LRRTM4: variants seen among roughly 807,000 people sequenced by gnomAD.
LRRTM4 encodes leucine rich repeat transmembrane neuronal 4.
In LRRTM4, 25 loss-of-function variants were observed where a neutral mutation model predicts 47.6. That is an observed-to-expected ratio of 0.53 (90% CI 0.38 to 0.73). The LOEUF (loss-of-function observed/expected upper bound fraction) is 0.73, where lower values mean the gene tolerates loss of function less well. Ranked by LOEUF, LRRTM4 falls within the 30% of genes least tolerant of loss-of-function variation. The pLI, the probability that LRRTM4 is intolerant of heterozygous loss-of-function variation, is 0.00. For missense variants in LRRTM4, 638 were observed against 713.4 expected (o/e 0.89, Z 1.20); for synonymous variants, 311 against 269.5 (o/e 1.15, Z -1.51).
intron 3 of LRRTM4, among the ~76,000 whole-genome samples, chr2:77,295,101 G>A (rs1373798022): frequency 1.3e-5 from 2 of 152,104 alleles, no homozygotes; most frequent in African/African-American, 2.4e-5. Flanking sequence ...TCTAGCCATA[G>A]TGCTTATATT....
chr2:77,224,149 C>T (rs1364054187), intron 3 of LRRTM4, among the ~76,000 whole-genome samples: 87 of 151,636 alleles, frequency 5.7e-4, no homozygotes, highest in Admixed American at 5.7e-3. Context: ...GGAAAACTGG[C>T]TAGCCATATG....
chr2:76,805,493 GT>G (rs1348131648), intron 3 of LRRTM4, among the ~76,000 whole-genome samples: 2 of 152,090 alleles, frequency 1.3e-5, no homozygotes, highest in Non-Finnish European at 2.9e-5. Context: ...GTGACAAAGA[GT>G]TAGTACAATC....
At chr2:77,441,299 A>G (rs1675832936) in intron 3 of LRRTM4, among the ~76,000 whole-genome samples, 1 of 152,208 alleles carries the variant, frequency 6.6e-6, no homozygotes, top group East Asian at 1.9e-4. Context: ...TAGAACAGTA[A>G]CTCATCTTTG....
chr2:77,090,007 G>A (rs551893421), intron 3 of LRRTM4, among the ~76,000 whole-genome samples: 2 of 151,974 alleles, frequency 1.3e-5, no homozygotes, highest in Non-Finnish European at 2.9e-5. Flanking sequence ...CTGAGTCTTT[G>A]TTATCTTCCT....
intron 3 of LRRTM4, among the ~76,000 whole-genome samples, chr2:77,064,654 C>T (rs1490535966): frequency 6.6e-6 from 1 of 152,150 alleles, no homozygotes; most frequent in South Asian, 2.1e-4. Flanking sequence ...GGGAGTGTAT[C>T]ATCAATCATC....
At chr2:76,955,004 A>G (rs913854113) in intron 3 of LRRTM4, among the ~76,000 whole-genome samples, 3 of 151,852 alleles carry the variant, frequency 2.0e-5, no homozygotes, top group African/African-American at 7.2e-5. Flanking sequence ...AATGAAGGGG[A>G]AACAAAGACT....
intron 3 of LRRTM4, among the ~76,000 whole-genome samples, chr2:76,822,083 G>GA (rs1240610017): frequency 6.6e-6 from 1 of 151,420 alleles, no homozygotes; most frequent in African/African-American, 2.4e-5. Context: ...AAATTTTATA[G>GA]AAAAAATATG....
At chr2:76,918,559 T>C (rs181531662) in intron 3 of LRRTM4, among the ~76,000 whole-genome samples, 238 of 152,222 alleles carry the variant, frequency 1.6e-3, no homozygotes, top group Middle Eastern at 6.8e-3. Flanking sequence ...CATGCAAAAA[T>C]GTTTTTAAAA....
chr2:77,446,569 G>T (rs563094060), intron 3 of LRRTM4, among the ~76,000 whole-genome samples: 1 of 151,964 alleles, frequency 6.6e-6, no homozygotes, highest in Non-Finnish European at 1.5e-5. Flanking sequence ...CCTTTGTGGG[G>T]CCTAATTTGA....
intron 3 of LRRTM4, among the ~76,000 whole-genome samples, chr2:77,343,738 A>C (rs2104281604): frequency 6.6e-6 from 1 of 152,078 alleles, no homozygotes; most frequent in Non-Finnish European, 1.5e-5. Flanking sequence ...TTATATTAAC[A>C]GTGGTGATAT....
At chr2:77,183,361 C>T (rs1485288277) in intron 3 of LRRTM4, among the ~76,000 whole-genome samples, 1 of 152,114 alleles carries the variant, frequency 6.6e-6, no homozygotes, top group Non-Finnish European at 1.5e-5. Context: ...CAGAGAAATG[C>T]AAATCAAAAC....
chr2:77,390,262 C>T (rs574515289), intron 3 of LRRTM4, among the ~76,000 whole-genome samples: 1 of 152,080 alleles, frequency 6.6e-6, no homozygotes, highest in South Asian at 2.1e-4. Flanking sequence ...CATTTAAACA[C>T]TATGGAGAGA....
At chr2:76,819,113 A>G (rs1402304509) in intron 3 of LRRTM4, among the ~76,000 whole-genome samples, 1 of 151,876 alleles carries the variant, frequency 6.6e-6, no homozygotes, top group African/African-American at 2.4e-5. Flanking sequence ...TTTGATTAAA[A>G]TAAAATAACT....
chr2:77,131,091 C>T (rs1485830064), intron 3 of LRRTM4, among the ~76,000 whole-genome samples: 2 of 151,948 alleles, frequency 1.3e-5, no homozygotes, highest in South Asian at 2.1e-4. Context: ...GCCTCGGCCT[C>T]CCAAAGTGCT....
intron 3 of LRRTM4, among the ~76,000 whole-genome samples, chr2:77,200,761 C>A (rs987410428): frequency 4.8e-4 from 73 of 152,226 alleles, no homozygotes; most frequent in African/African-American, 1.7e-3. Context: ...TTTGTTCTGT[C>A]ACCTGTTCCC....
chr2:77,256,040 CAG>C (rs1381860827), intron 3 of LRRTM4, among the ~76,000 whole-genome samples: 1 of 151,830 alleles, frequency 6.6e-6, no homozygotes, highest in East Asian at 1.9e-4. Flanking sequence ...CCGAGAGAGA[CAG>C]AGAGAGAACA....
chr2:76,986,517 A>G (rs750532367), intron 3 of LRRTM4, among the ~76,000 whole-genome samples: 1 of 151,940 alleles, frequency 6.6e-6, no homozygotes, highest in Non-Finnish European at 1.5e-5. Flanking sequence ...GTGCTTTTAC[A>G]TTACAGAAGA....
intron 3 of LRRTM4, among the ~76,000 whole-genome samples, chr2:76,890,882 A>C (rs1673230090): frequency 6.6e-6 from 1 of 151,936 alleles, no homozygotes; most frequent in African/African-American, 2.4e-5. Context: ...TTAGGAATAA[A>C]ATAAGGGTAC....
intron 3 of LRRTM4, among the ~76,000 whole-genome samples, chr2:77,448,265 G>A (rs373208168): frequency 6.6e-6 from 1 of 152,074 alleles, no homozygotes; most frequent in East Asian, 1.9e-4. Flanking sequence ...TCAGCACTGT[G>A]GTTCAACTGC....
Sources: allele counts gnomAD v4.1 joint callset (sites outside exome capture counted in the v4.1 genomes callset), GRCh38; gene constraint gnomAD v4.1.1; transcripts MANE v1.5; gene names NCBI Gene and HGNC (gene_info 2026-07-23, HGNC 2026-07-21).